Variants in KHDRBS2 observed in about 807,000 individuals in gnomAD.
KHDRBS2 encodes KH domain-containing, RNA-binding, signal transduction-associated protein 2.
Under a neutral mutation model 44.3 loss-of-function variants are expected in KHDRBS2, and 26 were observed. The ratio of observed to expected loss-of-function variants is 0.59; its 90% CI spans 0.43 to 0.81. The LOEUF (loss-of-function observed/expected upper bound fraction) is 0.81. Among genes scored for constraint, KHDRBS2 ranks in the 40% least tolerant of loss-of-function variants. The probability of loss-of-function intolerance (pLI) is 0.00; values close to 1 mark genes in which losing one functional copy is unlikely to be tolerated. For synonymous variants in KHDRBS2, 194 were observed against 151.1 expected (o/e 1.28, Z -2.08); for missense variants, 476 against 433.1 (o/e 1.10, Z -0.88).
At chr6:61,891,383 T>C (rs1316600133) in intron 6 of KHDRBS2, among the ~76,000 whole-genome samples, 2 of 152,178 alleles carry the variant, frequency 1.3e-5, no homozygotes, top group Non-Finnish European at 2.9e-5. Flanking sequence ...GGGATATTGG[T>C]CTAAAATTCT....
the KHDRBS2 span, among the ~76,000 whole-genome samples, chr6:61,610,922 C>A: frequency 1.1e-4 from 16 of 152,288 alleles, 1 homozygote; most frequent in East Asian, 2.5e-3. Flanking sequence ...TGCTAAGGAC[C>A]ATTCTGGAAA....
chr6:61,729,166 T>C (rs558425948), intron 7 of KHDRBS2, among the ~76,000 whole-genome samples: 2 of 152,304 alleles, frequency 1.3e-5, no homozygotes, highest in Admixed American at 1.3e-4. Flanking sequence ...AATGAGATCA[T>C]GTCCTTTGTA....
intron 1 of KHDRBS2, among the ~76,000 whole-genome samples, chr6:62,230,868 C>G (rs1003923626): frequency 6.6e-6 from 1 of 152,020 alleles, no homozygotes; most frequent in African/African-American, 2.4e-5. Context: ...ATGATGACCC[C>G]ATGATCAGAA....
chr6:62,211,576 G>A (rs879565228), intron 1 of KHDRBS2, among the ~76,000 whole-genome samples: 1 of 152,150 alleles, frequency 6.6e-6, no homozygotes, highest in Non-Finnish European at 1.5e-5. Flanking sequence ...TTGTGATGAT[G>A]ATATTTTTGA....
intron 2 of KHDRBS2, among the ~76,000 whole-genome samples, chr6:62,138,607 C>G (rs561136329): frequency 1.5e-3 from 225 of 152,218 alleles, no homozygotes; most frequent in African/African-American, 4.9e-3. Flanking sequence ...CAGTCTGTTG[C>G]CAAACAATAG....
At chr6:61,751,245 T>C (rs1562093183) in intron 6 of KHDRBS2, among the ~76,000 whole-genome samples, 2 of 152,210 alleles carry the variant, frequency 1.3e-5, no homozygotes, top group African/African-American at 4.8e-5. Context: ...TACACAGTTT[T>C]CTAACTGCTG....
intron 4 of KHDRBS2, among the ~76,000 whole-genome samples, chr6:61,966,004 C>T (rs1046864726): frequency 6.6e-6 from 1 of 151,966 alleles, no homozygotes; most frequent in African/African-American, 2.4e-5. Flanking sequence ...AGAAAAGCCT[C>T]CTATTATTCA....
chr6:62,282,776 C>T (rs185157072), intron 1 of KHDRBS2, among the ~76,000 whole-genome samples: 4 of 152,046 alleles, frequency 2.6e-5, no homozygotes, highest in Admixed American at 2.0e-4. Flanking sequence ...ATTTTTGTTC[C>T]GAATATACAA....
At chr6:61,829,643 TTA>T (rs1562261879) in intron 6 of KHDRBS2, among the ~76,000 whole-genome samples, 1 of 152,160 alleles carries the variant, frequency 6.6e-6, no homozygotes. Flanking sequence ...ACACAGATAT[TTA>T]TATAGTCACA....
chr6:61,955,762 A>G lies in KHDRBS2; in HGVS notation c.483+22304T>C, dbSNP rs1407540773. Among the ~76,000 whole-genome samples, 3 of 151,750 alleles carry G rather than the reference A, an allele frequency of 2.0e-5. 1 individual carries two copies. The highest frequency in any genetic ancestry group is 4.4e-5 in the Non-Finnish European group (3 of 67,942). Reference sequence around the variant, plus strand: ...GAGAGAGGTAGACAGACAGAGAGAGAGAATGTAACCACTGGCATTTACTAA... The same window carrying G: ...GAGAGAGGTAGACAGACAGAGAGAGGGAATGTAACCACTGGCATTTACTAA... On this transcript the variant is annotated intron_variant, in intron 4 of 8. Transcript: ENST00000281156.
chr6:61,600,608 G>T, the KHDRBS2 span, among the ~76,000 whole-genome samples: 1 of 152,104 alleles, frequency 6.6e-6, no homozygotes, highest in Non-Finnish European at 1.5e-5. Flanking sequence ...AGCCTGTTTG[G>T]TGGTCTCTTC....
chr6:62,284,152 T>C (rs1229431393), intron 1 of KHDRBS2, among the ~76,000 whole-genome samples: 2 of 152,156 alleles, frequency 1.3e-5, no homozygotes, highest in Non-Finnish European at 2.9e-5. Context: ...GCCACAGAAA[T>C]ACTTATGCAC....
chr6:62,250,530 G>C (rs1300049215), intron 1 of KHDRBS2, among the ~76,000 whole-genome samples: 1 of 151,964 alleles, frequency 6.6e-6, no homozygotes, highest in Non-Finnish European at 1.5e-5. Context: ...AAGAAGGGAG[G>C]GAGGGAGGAA....
intron 6 of KHDRBS2, among the ~76,000 whole-genome samples, chr6:61,864,688 C>CTTAACATTT (rs1293905694): frequency 2.6e-5 from 4 of 152,068 alleles, no homozygotes; most frequent in Non-Finnish European, 5.9e-5. Context: ...TCTGGCTGCC[C>CTTAACATTT]TTAACATTTT....
chr6:61,895,456 A>AC (rs1401134215), intron 5 of KHDRBS2, among the ~76,000 whole-genome samples: 3 of 152,156 alleles, frequency 2.0e-5, no homozygotes, highest in Admixed American at 1.3e-4. Flanking sequence ...CATGCCTGTA[A>AC]CCCCCTGAAC....
the KHDRBS2 span, among the ~76,000 whole-genome samples, chr6:61,616,489 ATATATATAT>A: frequency 6.7e-6 from 1 of 149,476 alleles, no homozygotes; most frequent in African/African-American, 2.5e-5. Flanking sequence ...ATATATATAT[ATATATATAT>A]AATGCTATTG....
At chr6:61,624,179 C>A in the KHDRBS2 span, among the ~76,000 whole-genome samples, 1 of 152,168 alleles carries the variant, frequency 6.6e-6, no homozygotes, top group Admixed American at 6.5e-5. Flanking sequence ...AATAACCAAG[C>A]AGACAAAACG....
intron 2 of KHDRBS2, among the ~76,000 whole-genome samples, chr6:62,166,842 A>T (rs1409376301): frequency 6.6e-6 from 1 of 152,074 alleles, no homozygotes; most frequent in Non-Finnish European, 1.5e-5. Context: ...AACAAAAGAA[A>T]TAGCAGAAGA....
In KHDRBS2 at chr6:62,277,014, A is replaced by G. The variant is rs182663423; in HGVS notation, c.91+8844T>C. Reference sequence around the variant, plus strand: ...GTGGGTAGATTACTTGTGGTAATGCATCGTCTAGTACAGTGTCTGGCAAAG... The same window carrying G: ...GTGGGTAGATTACTTGTGGTAATGCGTCGTCTAGTACAGTGTCTGGCAAAG... On this transcript the variant is annotated intron_variant, in intron 1 of 8. Transcript: ENST00000281156. Among the ~76,000 whole-genome samples, 48 of 152,334 alleles carry G rather than the reference A, an allele frequency of 3.2e-4. 1 individual carries two copies. The Middle Eastern group carries it at 0.017, about 54-fold the overall frequency.
Sources: allele counts gnomAD v4.1 joint callset (sites outside exome capture counted in the v4.1 genomes callset), GRCh38; gene constraint gnomAD v4.1.1; transcripts MANE v1.5; gene names NCBI Gene and HGNC (gene_info 2026-07-23, HGNC 2026-07-21).